PXDNL: variants seen among roughly 807,000 people sequenced by gnomAD.
PXDNL encodes peroxidasin like.
Under a neutral mutation model 150.8 loss-of-function variants are expected in PXDNL, and 145 were observed. That is an observed-to-expected ratio of 0.96 (90% CI 0.84 to 1.10). PXDNL has a LOEUF of 1.10. Ranked by LOEUF, PXDNL falls within the 50% of genes least tolerant of loss-of-function variation. PXDNL has a pLI of 0.00. For missense variants in PXDNL, 2,087 were observed against 1,873.9 expected (o/e 1.11, Z -2.10); for synonymous variants, 757 against 725.7 (o/e 1.04, Z -0.69).
At chr8:51,644,056 G>A (rs907354217) in intron 2 of PXDNL, among the ~76,000 whole-genome samples, 16 of 151,804 alleles carry the variant, frequency 1.1e-4, no homozygotes, top group Non-Finnish European at 2.1e-4. Context: ...TGAGGCAGGA[G>A]AATGGCGTGA....
intron 1 of PXDNL, among the ~76,000 whole-genome samples, chr8:51,739,537 T>G (rs2036881019): frequency 6.6e-6 from 1 of 152,000 alleles, no homozygotes; most frequent in South Asian, 2.1e-4. Context: ...CAACTAAAAA[T>G]CTCCTAGAAA....
At chr8:51,451,920 G>C (rs10958266) in intron 10 of PXDNL, among the ~76,000 whole-genome samples, 144,509 of 152,240 alleles carry the variant, frequency 0.95, 68,717 homozygotes, top group Non-Finnish European at 0.98. Flanking sequence ...GACACAAGTA[G>C]ATGGTCACAA....
At chr8:51,461,196 G>T (rs1810070839) in intron 8 of PXDNL, among the ~76,000 whole-genome samples, 1 of 152,206 alleles carries the variant, frequency 6.6e-6, no homozygotes, top group Admixed American at 6.5e-5. Flanking sequence ...ATCAAGCTGA[G>T]ATCTGTGACT....
intron 21 of PXDNL, among the ~76,000 whole-genome samples, chr8:51,335,977 G>A (rs1052960966): frequency 6.6e-5 from 10 of 152,124 alleles, no homozygotes; most frequent in Non-Finnish European, 1.5e-4. Context: ...ACATTCAAAA[G>A]TCACTTAACA....
chr8:51,443,764 T>G (rs1374001595), intron 12 of PXDNL, among the ~76,000 whole-genome samples: 1 of 152,242 alleles, frequency 6.6e-6, no homozygotes, highest in Non-Finnish European at 1.5e-5. Context: ...GGTTGAAGTC[T>G]ATGAATAAAA....
intron 17 of PXDNL, among the ~76,000 whole-genome samples, chr8:51,389,734 TTTTAC>T (rs528290265): frequency 1.8e-4 from 27 of 152,328 alleles, no homozygotes; most frequent in African/African-American, 6.0e-4. Context: ...TTCTTTATAG[TTTTAC>T]TTTTTGTTCA....
chr8:51,512,550 G>T (rs1253132317), intron 4 of PXDNL, among the ~76,000 whole-genome samples: 1 of 152,184 alleles, frequency 6.6e-6, no homozygotes, highest in Non-Finnish European at 1.5e-5. Context: ...TGTTTAAGGG[G>T]TCTTTACCCA....
At chr8:51,422,821 T>C (rs748767057) in intron 14 of PXDNL, among the ~76,000 whole-genome samples, 2 of 152,204 alleles carry the variant, frequency 1.3e-5, no homozygotes, top group Non-Finnish European at 2.9e-5. Context: ...TTTCCTTCAA[T>C]GCCTCTCCGT....
At chr8:51,530,891 G>A (rs781650646) in intron 4 of PXDNL, among the ~76,000 whole-genome samples, 2 of 150,044 alleles carry the variant, frequency 1.3e-5, no homozygotes, top group Non-Finnish European at 2.9e-5. Context: ...GAACCCTGAG[G>A]CCAGTACTTT....
chr8:51,377,753 G>GA (rs1807378219), intron 17 of PXDNL, among the ~76,000 whole-genome samples: 1 of 152,194 alleles, frequency 6.6e-6, no homozygotes. Flanking sequence ...CTGCCTCCCT[G>GA]CGGGGCAGGG....
chr8:51,721,948 G>A (rs1463258174), intron 1 of PXDNL: 1 of 244,294 alleles, frequency 4.1e-6, no homozygotes, highest in African/African-American at 2.3e-5. Flanking sequence ...TTGCTAAAGT[G>A]GATTGCTGTT....
At chr8:51,498,045 T>C (rs1211812241) in intron 5 of PXDNL, among the ~76,000 whole-genome samples, 1 of 151,948 alleles carries the variant, frequency 6.6e-6, no homozygotes, top group Admixed American at 6.6e-5. Flanking sequence ...TGTCCAACAA[T>C]GATAGACTGG....
chr8:51,562,163 TAAATC>T (rs765057352), intron 3 of PXDNL, among the ~76,000 whole-genome samples: 1 of 151,662 alleles, frequency 6.6e-6, no homozygotes, highest in African/African-American at 2.4e-5. Context: ...TTTAAAGAAA[TAAATC>T]AAACTCATCT....
At position 51,592,713 on chromosome 8, in the gene PXDNL, A is replaced by G; in HGVS notation, c.237-15T>C. 6.5e-7 allele frequency: 1 copy of G among 1,532,050 alleles called. No homozygotes were observed. The highest frequency in any genetic ancestry group is 1.4e-5 in the African/African-American group (1 of 72,532). The allele number at this position is 1,532,050 out of a possible 1,614,324, so 94.9% of individuals were successfully genotyped here. ...TGTTCAGCAGACTGAAAAAGCAAAA[A>G]CAAACAAATAATTCCCAAATGAGAA... On this transcript the variant is annotated splice_polypyrimidine_tract_variant and intron_variant, in intron 2 of 22. Transcript: ENST00000356297.
At chr8:51,342,572 C>T (rs1806021476) in intron 20 of PXDNL, among the ~76,000 whole-genome samples, 1 of 152,100 alleles carries the variant, frequency 6.6e-6, no homozygotes, top group South Asian at 2.1e-4. Context: ...CCACGATAGT[C>T]TCAAACAAAC....
intron 1 of PXDNL, among the ~76,000 whole-genome samples, chr8:51,671,515 A>G (rs1393526728): frequency 1.3e-5 from 2 of 152,218 alleles, no homozygotes; most frequent in African/African-American, 4.8e-5. Context: ...GTAGAAAAAA[A>G]TTAAACATTC....
At chr8:51,404,176 A>G (rs1230012448) in intron 17 of PXDNL, among the ~76,000 whole-genome samples, 2 of 152,236 alleles carry the variant, frequency 1.3e-5, no homozygotes, top group African/African-American at 4.8e-5. Context: ...CCCAAAGAGT[A>G]AGCAGCAGCA....
At position 51,408,353 on chromosome 8, in the gene PXDNL, T is replaced by A. The variant is rs1586080543; in HGVS notation, c.3271A>T (p.Ile1091Leu). Residue 1091 changes from isoleucine to leucine, a missense_variant, in exon 17 of 23, where the codon ATA becomes TTA. By Grantham distance (5) the Ile-to-Leu change is conservative. Coordinates refer to ENST00000356297, the MANE Select transcript of PXDNL (RefSeq NM_144651.5). ...FHKALFSPSRIIKEGGIDPVL... is the reference protein window; with the variant it reads ...FHKALFSPSRLIKEGGIDPVL... ...GGGTCTATCCCACCTTCCTTGATTA[T>A]TCTGGACGGTGAAAAGAGCGCTTTA... The A allele has an allele frequency of 6.2e-7, 1 of 1,614,040 alleles. No individual in the cohort carries two copies.
intron 4 of PXDNL, among the ~76,000 whole-genome samples, chr8:51,536,840 C>T (rs910715272): frequency 6.6e-6 from 1 of 152,060 alleles, no homozygotes; most frequent in Non-Finnish European, 1.5e-5. Flanking sequence ...TTGCAACAAA[C>T]GTGCTCTGAG....
Sources: allele counts gnomAD v4.1 joint callset (sites outside exome capture counted in the v4.1 genomes callset), GRCh38; gene constraint gnomAD v4.1.1; transcripts MANE v1.5; gene names NCBI Gene and HGNC (gene_info 2026-07-23, HGNC 2026-07-21).